TECPR2: variants seen among roughly 807,000 people sequenced by gnomAD.
The protein encoded by TECPR2 is tectonin beta-propeller repeat containing 2.
Under a neutral mutation model 138.1 loss-of-function variants are expected in TECPR2, and 65 were observed. The ratio of observed to expected loss-of-function variants is 0.47; its 90% CI spans 0.39 to 0.58. The LOEUF is 0.58. TECPR2 is among the 20% of genes least tolerant of loss of function. The pLI is 0.00. For synonymous variants in TECPR2, 746 were observed against 749.8 expected (o/e 0.99, Z 0.08); for missense variants, 1,553 against 1,824.5 (o/e 0.85, Z 2.71).
chr14:102,408,348 C>A, intron 3 of TECPR2, 140 bp from the exon 4 acceptor site: 1 of 873,032 alleles, frequency 1.1e-6, no homozygotes, highest in Non-Finnish European at 1.7e-6. Context: ...GAACTTTGTG[C>A]AGGGTTCTGC....
chr14:102,473,320 C>A (rs528012923), intron 17 of TECPR2, among the ~76,000 whole-genome samples: 10 of 152,198 alleles, frequency 6.6e-5, no homozygotes, highest in Non-Finnish European at 1.3e-4. Flanking sequence ...GAGGGTCCTG[C>A]AAATGAGCCC....
chr14:102,459,451 C>T (rs1890353067), intron 16 of TECPR2, among the ~76,000 whole-genome samples: 1 of 152,196 alleles, frequency 6.6e-6, no homozygotes. Flanking sequence ...TTGCCATCAG[C>T]CTTCCCAGGG....
intron 5 of TECPR2, among the ~76,000 whole-genome samples, chr14:102,422,455 A>T (rs1277529724): frequency 1.3e-5 from 2 of 152,342 alleles, no homozygotes; most frequent in South Asian, 2.1e-4. Flanking sequence ...GTGGACGCTG[A>T]GTAGGACGTA....
intron 16 of TECPR2, among the ~76,000 whole-genome samples, chr14:102,456,586 C>T (rs1890280789): frequency 1.3e-5 from 2 of 149,242 alleles, no homozygotes; most frequent in South Asian, 2.1e-4. Flanking sequence ...GTTTCCCTCT[C>T]GCTCTTTTTT....
chr14:102,475,412 G>A (rs999769501), intron 17 of TECPR2, among the ~76,000 whole-genome samples: 1 of 152,110 alleles, frequency 6.6e-6, no homozygotes, highest in Non-Finnish European at 1.5e-5. Context: ...GGCCTGGTCA[G>A]ACCATGTTTG....
Position 102,497,593 on chromosome 14 carries a change from C to G in TECPR2, c.3955C>G (p.Leu1319Val). ...VPGLQACQLA[L>V]STRTVWARCP... ...AGGGTTGCAGGCCTGCCAGCTGGCG[C>G]TGAGCACCAGGACCGTGTGGGCCCG... Residue 1319 changes from leucine to valine, a missense_variant, in exon 19 of 20, where the codon CTG becomes GTG. By Grantham distance (32) the Leu-to-Val change is conservative. Transcript: ENST00000359520. 6.2e-7 allele frequency: 1 copy of G among 1,604,630 alleles called. No homozygotes were observed. The highest frequency in any genetic ancestry group is 8.5e-7 in the Non-Finnish European group (1 of 1,175,184).
At chr14:102,376,218 G>A (rs1793665389) in intron 1 of TECPR2, among the ~76,000 whole-genome samples, 1 of 152,044 alleles carries the variant, frequency 6.6e-6, no homozygotes, top group Admixed American at 6.6e-5. Context: ...CAACCTGGTG[G>A]GCTTCATAGT....
In TECPR2 at chr14:102,426,161, C is replaced by T. The variant is rs532553836; in HGVS notation, c.951+870C>T. ...TCGGCCTCCCAAAGTGCTGGGGTTACAGGCGTGAACCGCCGCGCCCGGCCG... is the reference window on the plus strand; with the variant it reads ...TCGGCCTCCCAAAGTGCTGGGGTTATAGGCGTGAACCGCCGCGCCCGGCCG... On this transcript the variant is annotated intron_variant, in intron 6 of 19. Transcript: ENST00000359520. Among the ~76,000 whole-genome samples, 13 of 151,976 alleles carry T rather than the reference C, an allele frequency of 8.6e-5. No individual in the cohort carries two copies. The South Asian group carries it at 2.7e-3, about 32-fold the overall frequency.
chr14:102,443,870 A>G lies in TECPR2; in HGVS notation c.2933+43A>G, dbSNP rs1459174865. ...ACTCCTTTCACATCGTGCTTGTCCT[A>G]CCCTTCGTTCTTGTCCACTTGACAC... is the stretch of plus-strand genomic sequence containing the variant. On this transcript the variant is annotated intron_variant, in intron 12 of 19. Transcript: ENST00000359520. This position sits in a 1 kb window ranked among gnomAD's most constrained non-coding sequence, Gnocchi z 4.9. The G allele has an allele frequency of 5.4e-6, 8 of 1,468,076 alleles. No individual in the cohort carries two copies. Among genetic ancestry groups the G allele is most frequent in the Admixed American group, 2.0e-5 (1 of 48,952 alleles). 90.9% of individuals were successfully genotyped at this position (1,468,076 alleles called of 1,614,324 possible). A position where few individuals can be genotyped will look rare whatever the true frequency, so the allele number is the denominator to read the frequency against.
chr14:102,368,504 CT>C (rs1378072692), intron 1 of TECPR2, among the ~76,000 whole-genome samples: 2 of 152,128 alleles, frequency 1.3e-5, no homozygotes, highest in South Asian at 2.1e-4. Context: ...CTGCACCCAG[CT>C]TTTAAAATTG....
At chr14:102,427,805 C>T (rs1889363948) in intron 6 of TECPR2, among the ~76,000 whole-genome samples, 1 of 152,136 alleles carries the variant, frequency 6.6e-6, no homozygotes, top group South Asian at 2.1e-4. Context: ...GCCCTGAGAG[C>T]CCTGGGTGTT....
intron 17 of TECPR2, among the ~76,000 whole-genome samples, chr14:102,489,576 G>A (rs569629766): frequency 1.1e-4 from 17 of 151,986 alleles, no homozygotes; most frequent in African/African-American, 4.1e-4. Flanking sequence ...ATGGTGGCAG[G>A]CCCCTGTAGT....
intron 11 of TECPR2, among the ~76,000 whole-genome samples, chr14:102,442,653 A>G (rs561165145): frequency 3.9e-5 from 6 of 152,272 alleles, no homozygotes; most frequent in Admixed American, 2.0e-4. Context: ...ATTAGGTCCA[A>G]TCCCTCTGGA....
At chr14:102,381,452 T>C (rs1887815799) in intron 2 of TECPR2, among the ~76,000 whole-genome samples, 1 of 152,206 alleles carries the variant, frequency 6.6e-6, no homozygotes, top group Admixed American at 6.5e-5. Flanking sequence ...CTCATGCCTG[T>C]AATCCCAGCT....
intron 2 of TECPR2, among the ~76,000 whole-genome samples, chr14:102,393,906 C>T (rs1291896142): frequency 6.6e-6 from 1 of 152,054 alleles, no homozygotes; most frequent in African/African-American, 2.4e-5. Context: ...AATTTCACAG[C>T]CATTTTGAAC....
At chr14:102,480,433 C>T (rs1034863787) in intron 17 of TECPR2, among the ~76,000 whole-genome samples, 25 of 152,136 alleles carry the variant, frequency 1.6e-4, no homozygotes, top group Middle Eastern at 3.4e-3. Flanking sequence ...ACTGTGTTAG[C>T]CAGGATGGTC....
At position 102,498,446 on chromosome 14, in the gene TECPR2, GC is replaced by G; in HGVS notation, c.*190del. 1 of 774,622 alleles carries G rather than the reference GC, an allele frequency of 1.3e-6. No homozygotes were observed. Among genetic ancestry groups the G allele is most frequent in the Non-Finnish European group, 2.0e-6 (1 of 497,686 alleles). The allele number at this position is 774,622 out of a possible 1,614,324, so 48.0% of individuals were successfully genotyped here. Reference sequence around the variant, plus strand: ...CCAGAACCCACAGCCTCCACCCGTGGCTGGCGTGATTGCTGCAGCAGTGGCG... The same window carrying G: ...CCAGAACCCACAGCCTCCACCCGTGGTGGCGTGATTGCTGCAGCAGTGGCG... On this transcript the variant is annotated 3_prime_UTR_variant, in exon 20 of 20. Transcript: ENST00000359520.
At chr14:102,463,432 A>AG (rs1195517710) in intron 16 of TECPR2, among the ~76,000 whole-genome samples, 3 of 150,752 alleles carry the variant, frequency 2.0e-5, no homozygotes, top group East Asian at 1.9e-4. Context: ...AAAAAAAAAA[A>AG]AAAAAAAGAA....
intron 17 of TECPR2, among the ~76,000 whole-genome samples, chr14:102,486,537 C>T (rs1891030073): frequency 6.6e-6 from 1 of 152,222 alleles, no homozygotes; most frequent in Admixed American, 6.5e-5. Flanking sequence ...AACAGCAAAA[C>T]TGGTCCCATG....
Sources: allele counts gnomAD v4.1 joint callset (sites outside exome capture counted in the v4.1 genomes callset), GRCh38; gene constraint gnomAD v4.1.1; non-coding constraint Gnocchi (gnomAD v3.1); transcripts MANE v1.5; gene names NCBI Gene and HGNC (gene_info 2026-07-23, HGNC 2026-07-21).